The following TLK2 variants were observed in gnomAD, a reference collection of about 807,000 sequenced individuals.
TLK2 encodes serine/threonine-protein kinase tousled-like 2.
Under a neutral mutation model 117.3 loss-of-function variants are expected in TLK2, and 6 were observed. The observed-to-expected ratio is 0.05, with a 90% CI of 0.03 to 0.10. The LOEUF (loss-of-function observed/expected upper bound fraction) is 0.10. TLK2 is among the 10% of genes least tolerant of loss of function. The probability of loss-of-function intolerance (pLI) is 1.00; values close to 1 mark genes in which losing one functional copy is unlikely to be tolerated. For synonymous variants in TLK2, 257 were observed against 316.7 expected (o/e 0.81, Z 2.00); for missense variants, 299 against 901.2 (o/e 0.33, Z 8.56).
intron 11 of TLK2, among the ~76,000 whole-genome samples, chr17:62,568,691 T>C (rs2080008643): frequency 6.6e-6 from 1 of 151,762 alleles, no homozygotes; most frequent in South Asian, 2.1e-4. Flanking sequence ...TTCAAGTGAT[T>C]CTCCTGCCTC....
In TLK2 at chr17:62,562,096, A is replaced by G. The variant is rs2079330033; in HGVS notation, c.831+1970A>G. On this transcript the variant is annotated intron_variant, in intron 10 of 21. Coordinates refer to ENST00000346027, the MANE Select transcript of TLK2 (RefSeq NM_006852.6). Reference sequence around the variant, plus strand: ...ATAAATGGACTGGGTGTGGTGGCTCACGCCTGTAATCCCAGCACTTTGGGA... The same window carrying G: ...ATAAATGGACTGGGTGTGGTGGCTCGCGCCTGTAATCCCAGCACTTTGGGA... Among the ~76,000 whole-genome samples, 10 of 152,350 alleles carry G rather than the reference A, an allele frequency of 6.6e-5. 1 individual carries two copies. The South Asian group carries it at 1.9e-3, about 28-fold the overall frequency.
chr17:62,554,943 T>G (rs1044818987), intron 9 of TLK2, among the ~76,000 whole-genome samples: 1 of 151,344 alleles, frequency 6.6e-6, no homozygotes, highest in African/African-American at 2.5e-5. Context: ...ATAATTCCAT[T>G]AATTGGGATT....
chr17:62,593,511 C>T (rs1487620314), intron 16 of TLK2, among the ~76,000 whole-genome samples: 1 of 151,954 alleles, frequency 6.6e-6, no homozygotes, highest in African/African-American at 2.4e-5. Context: ...ATTCTATAAG[C>T]TTTTTTCTAT....
chr17:62,505,614 C>T (rs1376004670), intron 2 of TLK2, among the ~76,000 whole-genome samples: 1 of 151,640 alleles, frequency 6.6e-6, no homozygotes, highest in African/African-American at 2.4e-5. Flanking sequence ...ATTTTTGAGA[C>T]ACCATTTTAA....
chr17:62,548,074 G>A (rs1385154037), intron 7 of TLK2, among the ~76,000 whole-genome samples: 1 of 152,044 alleles, frequency 6.6e-6, no homozygotes, highest in African/African-American at 2.4e-5. Flanking sequence ...CTAGTGTATT[G>A]GAGCAGAAAT....
At chr17:62,560,509 A>G (rs1426196427) in intron 10 of TLK2, among the ~76,000 whole-genome samples, 2 of 150,628 alleles carry the variant, frequency 1.3e-5, no homozygotes, top group African/African-American at 4.9e-5. Context: ...TAACTTATGT[A>G]TATAATAATG....
chr17:62,528,873 A>G (rs1012775608), intron 6 of TLK2, among the ~76,000 whole-genome samples: 1 of 152,232 alleles, frequency 6.6e-6, no homozygotes, highest in African/African-American at 2.4e-5. Context: ...ATTGTTACAT[A>G]GGAAGGTAGA....
In TLK2 at chr17:62,580,157, C is replaced by A; in HGVS notation, c.1333C>A (p.Leu445Ile). The change falls in exon 15 of 22, where the codon CTT (leucine) becomes ATT (isoleucine). Residue 445 changes from leucine (L) to isoleucine (I), a missense_variant. Physicochemically the swap from Leu to Ile is conservative, Grantham distance 5 (BLOSUM62 2). This residue lies in a region of TLK2 where 81 missense variants were observed against 370.9 expected (regional missense o/e 0.22). Coordinates refer to ENST00000346027, the MANE Select transcript of TLK2 (RefSeq NM_006852.6). Reference sequence around the variant, plus strand: ...AAATGACAGATATTTGTTGTTACATCTTTTGGGTAGAGGAGGTTTCAGTGA... The same window carrying A: ...AAATGACAGATATTTGTTGTTACATATTTTGGGTAGAGGAGGTTTCAGTGA... ...TLNDRYLLLH[L>I]LGRGGFSEVY... 6.2e-7 allele frequency: 1 copy of A among 1,612,864 alleles called. No homozygotes were observed. Among genetic ancestry groups the A allele is most frequent in the African/African-American group, 1.3e-5 (1 of 74,958 alleles).
At chr17:62,537,968 T>C (rs1236400651) in intron 7 of TLK2, among the ~76,000 whole-genome samples, 1 of 152,050 alleles carries the variant, frequency 6.6e-6, no homozygotes, top group Non-Finnish European at 1.5e-5. Context: ...AAAGAATGTA[T>C]GTGTGTCATT....
chr17:62,558,608 T>G (rs1240658924), intron 9 of TLK2, among the ~76,000 whole-genome samples: 3 of 152,246 alleles, frequency 2.0e-5, no homozygotes, highest in African/African-American at 7.2e-5. Context: ...ACACTCACCT[T>G]ATGAGTAGAC....
chr17:62,543,085 T>C (rs1441772489), intron 7 of TLK2, among the ~76,000 whole-genome samples: 2 of 152,226 alleles, frequency 1.3e-5, no homozygotes, highest in African/African-American at 4.8e-5. Context: ...TAATTACTAA[T>C]GAGGCTTTTA....
chr17:62,512,650 C>T (rs369696714), intron 2 of TLK2, among the ~76,000 whole-genome samples: 1 of 151,946 alleles, frequency 6.6e-6, no homozygotes, highest in South Asian at 2.1e-4. Flanking sequence ...TTTGTTTCCT[C>T]ATCCTGTTTA....
chr17:62,536,129 T>C, intron 6 of TLK2, 41 bp from the exon 7 acceptor site: 1 of 1,593,870 alleles, frequency 6.3e-7, no homozygotes, highest in Non-Finnish European at 8.6e-7. Context: ...TATCAGATTA[T>C]CTTTCTCATG....
intron 2 of TLK2, among the ~76,000 whole-genome samples, chr17:62,500,852 C>T (rs575477548): frequency 6.6e-6 from 1 of 152,230 alleles, no homozygotes; most frequent in African/African-American, 2.4e-5. Flanking sequence ...TTCAAAATAA[C>T]CTTTAGGTCA....
At chr17:62,480,862 T>C (rs1391629441) in intron 1 of TLK2, among the ~76,000 whole-genome samples, 1 of 152,198 alleles carries the variant, frequency 6.6e-6, no homozygotes, top group African/African-American at 2.4e-5. Flanking sequence ...GGGGTTTATT[T>C]TTGCTGTTAA....
intron 16 of TLK2, among the ~76,000 whole-genome samples, chr17:62,589,350 A>C: frequency 6.6e-6 from 1 of 152,352 alleles, no homozygotes; most frequent in African/African-American, 2.4e-5. Flanking sequence ...TTTTTTAAAG[A>C]TAAAAGTAAG....
chr17:62,605,185 A>T (rs930518299), intron 19 of TLK2, among the ~76,000 whole-genome samples: 1 of 151,322 alleles, frequency 6.6e-6, no homozygotes, highest in Admixed American at 6.6e-5. Context: ...AAATTAGCCC[A>T]GCGTGGTGGC....
At chr17:62,527,481 C>G (rs1479473560) in intron 6 of TLK2, among the ~76,000 whole-genome samples, 1 of 151,944 alleles carries the variant, frequency 6.6e-6, no homozygotes, top group Non-Finnish European at 1.5e-5. Flanking sequence ...TACTAACCCC[C>G]TCCCTGCCGC....
intron 19 of TLK2, 44 bp from the exon 20 acceptor site, chr17:62,606,086 A>G (rs2083282672): frequency 1.1e-6 from 1 of 887,192 alleles, no homozygotes; most frequent in Non-Finnish European, 1.7e-6. Context: ...TCTTAAACTT[A>G]TATGATCATT....
Sources: gnomAD v4.1 joint callset for allele counts (sites outside exome capture counted in the v4.1 genomes callset) on GRCh38, gnomAD v4.1.1 for gene constraint, gnomAD v4.1.1 regional missense constraint, MANE v1.5 for transcripts, NCBI Gene and HGNC (gene_info 2026-07-23, HGNC 2026-07-21) for gene names.